The following TIMM44 variants were observed in gnomAD, a reference collection of about 807,000 sequenced individuals.
TIMM44 encodes mitochondrial import inner membrane translocase subunit TIM44.
TIMM44 carries 37 observed loss-of-function variants against 63.8 expected under a neutral mutation model. The observed-to-expected ratio is 0.58, with a 90% CI of 0.45 to 0.76. TIMM44 has a LOEUF of 0.76. Ranked by LOEUF, TIMM44 falls within the 30% of genes least tolerant of loss-of-function variation. TIMM44 has a pLI of 0.00. For missense variants in TIMM44, 573 were observed against 603.8 expected, an observed-to-expected ratio of 0.95 and a Z score of 0.54; for synonymous variants, 239 against 245.1, an observed-to-expected ratio of 0.98 and a Z score of 0.23.
Position 7,926,988 on chromosome 19 carries a change from G to A in TIMM44, c.*199C>T, listed in dbSNP as rs1271936658. ...GCAACAGGGCAGGGGTTGGCCCTGC[G>A]GGGGAGTGTCTCCAGCTGCCGCGCA... On this transcript the variant is annotated 3_prime_UTR_variant, in exon 13 of 13. Transcript: ENST00000270538. 9.7e-6 allele frequency: 7 copies of A among 723,092 alleles called. No homozygotes were observed. Among genetic ancestry groups the A allele is most frequent in the African/African-American group, 1.8e-5 (1 of 57,000 alleles). 44.8% of individuals were successfully genotyped at this position (723,092 alleles called of 1,614,324 possible). A position where few individuals can be genotyped will look rare whatever the true frequency, so the allele number is the denominator to read the frequency against.
intron 3 of TIMM44, among the ~76,000 whole-genome samples, chr19:7,936,734 G>A (rs1399488145): frequency 1.3e-5 from 2 of 152,118 alleles, no homozygotes; most frequent in African/African-American, 4.8e-5. Flanking sequence ...TTGGGAAGCT[G>A]AGACGGGCAG....
In TIMM44 at chr19:7,928,125, T is replaced by A. The variant is rs138623078; in HGVS notation, c.1080A>T (p.Ala360=). 30 of 1,613,904 alleles carry A rather than the reference T, an allele frequency of 1.9e-5. No homozygotes were observed. The highest frequency in any genetic ancestry group is 2.5e-5 in the Non-Finnish European group (29 of 1,179,974). The part of the protein sequence containing the change: ...QLAHPIQQAK[A]LGLQFHSRIL... ...TGCGAGAATGGAACTGGAGACCCAG[T>A]GCCTTGGCCTGCTGGATGGGGTGGG... The change falls in exon 11 of 13, where the codon GCA becomes GCT. Residue 360 remains alanine, a synonymous_variant. Coordinates refer to ENST00000270538, the MANE Select transcript of TIMM44 (RefSeq NM_006351.4).
Position 7,934,000 on chromosome 19 carries a change from C to T in TIMM44, c.547G>A (p.Val183Met), listed in dbSNP as rs778965260. The T allele has an allele frequency of 1.2e-6, 2 of 1,613,884 alleles. No homozygotes were observed. The highest frequency in any genetic ancestry group is 3.3e-5 in the Admixed American group (2 of 60,008). The change falls in exon 6 of 13, where the codon GTG (valine) becomes ATG (methionine). Residue 183 changes from valine (V) to methionine (M), a missense_variant. Physicochemically the swap from Val to Met is conservative, Grantham distance 21 (BLOSUM62 1). Transcript: ENST00000270538. The surrounding 1 kb of genome is among the most constrained non-coding windows in gnomAD (Gnocchi z 4.3). ...TCAATTTCCTTCTTCACGGACTCCACCCCCTGCGAGGGAGGCACAGCGGGG... is the reference window on the plus strand; with the variant it reads ...TCAATTTCCTTCTTCACGGACTCCATCCCCTGCGAGGGAGGCACAGCGGGG... ...TAAFRALSQG[V>M]ESVKKEIDDS... is the part of the protein sequence containing the mutation.
Position 7,943,663 on chromosome 19 carries a change from G to C in TIMM44, c.-12C>G, listed in dbSNP as rs575224509. 1.3e-6 allele frequency: 2 copies of C among 1,558,246 alleles called. No homozygotes were observed. Among genetic ancestry groups the C allele is most frequent in the African/African-American group, 1.4e-5 (1 of 73,694 alleles). On this transcript the variant is annotated 5_prime_UTR_variant, in exon 1 of 13. Transcript: ENST00000270538. The surrounding 1 kb of genome is among the most constrained non-coding windows in gnomAD (Gnocchi z 4.3). Reference sequence around the variant, plus strand: ...GCCGCCGCCGCCATGTTGGAGAATCGTGTGACCTTCTCGCGGCGCGGCCCG... The same window carrying C: ...GCCGCCGCCGCCATGTTGGAGAATCCTGTGACCTTCTCGCGGCGCGGCCCG...
chr19:7,928,184 C>T lies in TIMM44; in HGVS notation c.1039-18G>A, dbSNP rs201677586. 1.5e-4 allele frequency: 241 copies of T among 1,609,474 alleles called. No homozygotes were observed. The highest frequency in any genetic ancestry group is 1.8e-4 in the Non-Finnish European group (217 of 1,177,292). Reference sequence around the variant, plus strand: ...CTGTAAGTCTGCAATGAGAGGCCGACACGCCTGCGTGATGCCACCCAGGGT... The same window carrying T: ...CTGTAAGTCTGCAATGAGAGGCCGATACGCCTGCGTGATGCCACCCAGGGT... On this transcript the variant is annotated intron_variant, in intron 10 of 12. Transcript: ENST00000270538.
At chr19:7,928,923 C>CAAAAAAAAAAAAAAAAA (rs758167153) in intron 10 of TIMM44, 1 of 70,094 alleles carries the variant, frequency 1.4e-5, no homozygotes. Flanking sequence ...AACAAAAAAC[C>CAAAAAAAAAAAAAAAAA]AAAAAAAAAA....
rs55971109 is a variant in TIMM44, at chr19:7,933,633, G to A, written c.684-63C>T. On this transcript the variant is annotated intron_variant, in intron 6 of 12. Transcript: ENST00000270538. The surrounding 1 kb of genome is among the most constrained non-coding windows in gnomAD (Gnocchi z 4.3). ...CCAGGGCCACCCTGTGCCCTCCTGC[G>A]GCTGCAGGCAGGGGGCAGTACAGGA... 1.0e-5 allele frequency: 15 copies of A among 1,467,508 alleles called. No individual in the cohort carries two copies. Among genetic ancestry groups the A allele is most frequent in the South Asian group, 2.3e-5 (2 of 88,066 alleles). 90.9% of individuals were successfully genotyped at this position (1,467,508 alleles called of 1,614,324 possible).
rs943228667 is a variant in TIMM44 at position 7,931,348 on chromosome 19, C to T, written c.988-160G>A. On this transcript the variant is annotated intron_variant, in intron 9 of 12. Coordinates refer to ENST00000270538, the MANE Select transcript of TIMM44 (RefSeq NM_006351.4). ...GGGTGGAGCTGTGGCACTGGGTGTC[C>T]CCCCCAGGCCCGTCCCTGCTGGTGT... 2.0e-5 allele frequency: 14 copies of T among 710,746 alleles called. No homozygotes were observed. The African/African-American group carries it at 2.5e-4, about 13-fold the overall frequency. The allele number at this position is 710,746 out of a possible 1,614,324, so 44.0% of individuals were successfully genotyped here.
intron 11 of TIMM44, 77 bp from the exon 12 acceptor site, chr19:7,927,844 T>C: frequency 7.0e-7 from 1 of 1,429,058 alleles, no homozygotes; most frequent in South Asian, 1.2e-5. Context: ...CCCCTGCGCC[T>C]AGGCCCTGCT....
rs141005755 is a variant in TIMM44, at chr19:7,931,402, C to T, written c.988-214G>A. ...TGCCTGGCTCTGGCCTAGGCACAGG[C>T]GGAGGGCGGCCTGCGGGCGACCACC... On this transcript the variant is annotated intron_variant, in intron 9 of 12. Coordinates refer to ENST00000270538, the MANE Select transcript of TIMM44 (RefSeq NM_006351.4). 5.7e-4 allele frequency: 333 copies of T among 584,450 alleles called. 1 individual carries two copies. The highest frequency in any genetic ancestry group is 5.7e-3 in the African/African-American group (303 of 53,210). 36.2% of individuals were successfully genotyped at this position (584,450 alleles called of 1,614,324 possible).
At position 7,927,333 on chromosome 19, in the gene TIMM44, G is replaced by A. The variant is rs371682968; in HGVS notation, c.1240-27C>T. The A allele has an allele frequency of 1.2e-5, 19 of 1,605,618 alleles. No homozygotes were observed. The African/African-American group carries it at 2.1e-4, about 18-fold the overall frequency. On this transcript the variant is annotated intron_variant, in intron 12 of 12. Coordinates refer to ENST00000270538, the MANE Select transcript of TIMM44 (RefSeq NM_006351.4). ...TGCAGGGTGGGGTGGGAAGGGCACT[G>A]TTGAGAGGGTTGAGGTGACCCAGGC...
At position 7,934,079 on chromosome 19, in the gene TIMM44, C is replaced by G. The variant is rs773896895; in HGVS notation, c.543+10G>C. The stretch of plus-strand genomic sequence containing the variant: ...CCAGGCTGCATGCCCTAGCCCAGGA[C>G]TGGGCTCACCTGGGAGAGGGCTCTG... On this transcript the variant is annotated intron_variant, in intron 5 of 12. Coordinates refer to ENST00000270538, the MANE Select transcript of TIMM44 (RefSeq NM_006351.4). The surrounding 1 kb of genome is among the most constrained non-coding windows in gnomAD (Gnocchi z 5.3). 1 of 1,613,286 alleles carries G rather than the reference C, an allele frequency of 6.2e-7. No individual in the cohort carries two copies. Among genetic ancestry groups the G allele is most frequent in the Non-Finnish European group, 8.5e-7 (1 of 1,179,980 alleles).
At chr19:7,941,453 A>G (rs563478557) in intron 1 of TIMM44, among the ~76,000 whole-genome samples, 6 of 151,944 alleles carry the variant, frequency 3.9e-5, no homozygotes, top group African/African-American at 1.4e-4. Context: ...ACATCCGGCT[A>G]ATATTTGTAT....
At chr19:7,939,571 C>T (rs1476995261) in intron 2 of TIMM44, among the ~76,000 whole-genome samples, 1 of 149,986 alleles carries the variant, frequency 6.7e-6, no homozygotes, top group Admixed American at 6.7e-5. Context: ...CAAGATTGTG[C>T]CACTGCACTC....
chr19:7,928,011 G>A, intron 11 of TIMM44, 66 bp downstream of exon 11: 1 of 1,482,870 alleles, frequency 6.7e-7, no homozygotes, highest in South Asian at 1.2e-5. Context: ...GCCACCTCCT[G>A]GGCCTTGTCT....
At chr19:7,929,398 G>GT (rs1307009523) in intron 10 of TIMM44, among the ~76,000 whole-genome samples, 2 of 152,164 alleles carry the variant, frequency 1.3e-5, no homozygotes, top group East Asian at 3.8e-4. Flanking sequence ...GGATCATGTC[G>GT]TGAGGACAGC....
rs1466817414 is a variant in TIMM44, at chr19:7,927,863, G to T, written c.1129-96C>A. On this transcript the variant is annotated intron_variant, in intron 11 of 12. Transcript: ENST00000270538. Reference sequence around the variant, plus strand: ...TGCGCCTAGGCCCTGCTAGGAGAAGGCTCCAGCACCAGGCCCAGCACCGGT... The same window carrying T: ...TGCGCCTAGGCCCTGCTAGGAGAAGTCTCCAGCACCAGGCCCAGCACCGGT... 5.0e-5 allele frequency: 66 copies of T among 1,330,362 alleles called. No homozygotes were observed. In the East Asian group the frequency reaches 5.3e-4, roughly 11 times the overall value. The allele number at this position is 1,330,362 out of a possible 1,614,324, so 82.4% of individuals were successfully genotyped here. A position where few individuals can be genotyped will look rare whatever the true frequency, so the allele number is the denominator to read the frequency against.
In TIMM44 at chr19:7,928,075, A is replaced by AC; in HGVS notation, c.1128+1dup. The stretch of plus-strand genomic sequence containing the variant: ...CCCGGGCCCCCACTGCGAGGTGCTT[A>AC]CGTCGACGTTGTCAATGTCTAGGAT... On this transcript the variant is annotated splice_donor_variant, in intron 11 of 12. Transcript: ENST00000270538. LOFTEE classifies it high-confidence loss of function. The AC allele has an allele frequency of 6.2e-7, 1 of 1,613,422 alleles. No homozygotes were observed. Among genetic ancestry groups the AC allele is most frequent in the South Asian group, 1.1e-5 (1 of 91,014 alleles).
chr19:7,927,280 C>A lies in TIMM44; in HGVS notation c.1266G>T (p.Val422=). ...DPDKVLRMLY[V]WALCRDQDEL... The stretch of plus-strand genomic sequence containing the variant: ...CGTCCTGGTCTCGGCAGAGCGCCCA[C>A]ACGTACAGCATCCGCAGCACCTTGT... Residue 422 remains valine (V), a synonymous_variant, in exon 13 of 13, where the codon GTG becomes GTT. Transcript: ENST00000270538. 1 of 1,611,764 alleles carries A rather than the reference C, an allele frequency of 6.2e-7. No individual in the cohort carries two copies. The highest frequency in any genetic ancestry group is 8.5e-7 in the Non-Finnish European group (1 of 1,179,952).
Sources: allele counts gnomAD v4.1 joint callset (sites outside exome capture counted in the v4.1 genomes callset), GRCh38; gene constraint gnomAD v4.1.1; non-coding constraint Gnocchi (gnomAD v3.1); transcripts MANE v1.5; gene names NCBI Gene and HGNC (gene_info 2026-07-23, HGNC 2026-07-21).